CSNK2B: variants seen among roughly 807,000 people sequenced by gnomAD.
CSNK2B encodes casein kinase 2 beta, also known as casein kinase II subunit beta.
CSNK2B carries 2 observed loss-of-function variants against 28.8 expected under a neutral mutation model. The observed-to-expected ratio is 0.07, with a 90% CI of 0.03 to 0.22. The LOEUF (loss-of-function observed/expected upper bound fraction) is 0.22, where lower values mean the gene tolerates loss of function less well. Ranked by LOEUF, CSNK2B falls within the 10% of genes least tolerant of loss-of-function variation. The pLI is 1.00. For synonymous variants in CSNK2B, 89 were observed against 96.1 expected, an observed-to-expected ratio of 0.93 and a Z score of 0.43; for missense variants, 107 against 277.9, an observed-to-expected ratio of 0.39 and a Z score of 4.37.
chr6:31,666,232 C>G (rs1414486279), intron 1 of CSNK2B, 24 bp downstream of exon 1: 1 of 981,776 alleles, frequency 1.0e-6, no homozygotes, highest in Non-Finnish European at 1.2e-6. Context: ...CGTCGCTGCT[C>G]CGAGTCCCTT....
chr6:31,668,771 C>T, intron 4 of CSNK2B, 117 bp downstream of exon 4: 1 of 922,612 alleles, frequency 1.1e-6, no homozygotes. Context: ...AGGGGAAGAA[C>T]CCCAGAACTT....
rs774928995 is a variant in CSNK2B, at chr6:31,666,870, C to T, written c.39C>T (p.Phe13=). The T allele has an allele frequency of 1.9e-6, 3 of 1,614,186 alleles. No homozygotes were observed. The highest frequency in any genetic ancestry group is 8.5e-7 in the Non-Finnish European group (1 of 1,180,018). ...AGGAGGTGTCCTGGATTTCCTGGTTCTGTGGGCTCCGTGGCAATGAATTCT... is the reference window on the plus strand; with the variant it reads ...AGGAGGTGTCCTGGATTTCCTGGTTTTGTGGGCTCCGTGGCAATGAATTCT... ...SSEEVSWISW[F]CGLRGNEFFC... is the part of the protein sequence containing the mutation. The change falls in exon 2 of 7, where the codon TTC becomes TTT. Residue 13 remains phenylalanine, a synonymous_variant. Coordinates refer to ENST00000375882, the MANE Select transcript of CSNK2B (RefSeq NM_001320.7).
intron 2 of CSNK2B, 51 bp downstream of exon 2, chr6:31,666,954 A>G (rs1240010259): frequency 7.1e-7 from 1 of 1,417,286 alleles, no homozygotes; most frequent in Admixed American, 1.7e-5. Context: ...TCTTCCCACC[A>G]GACGTTCCTT....
chr6:31,666,911 C>T lies in CSNK2B; in HGVS notation c.72+8C>T, dbSNP rs773757689. 1.4e-5 allele frequency: 23 copies of T among 1,610,088 alleles called. No individual in the cohort carries two copies. In the East Asian group the frequency reaches 5.1e-4, roughly 36 times the overall value. On this transcript the variant is annotated splice_region_variant and intron_variant, in intron 2 of 6. Coordinates refer to ENST00000375882, the MANE Select transcript of CSNK2B (RefSeq NM_001320.7). ...AATGAATTCTTCTGTGAAGTGAGTT[C>T]TCTTCAACCTCCCTACTTGCCAGCT...
intron 2 of CSNK2B, 90 bp downstream of exon 2, chr6:31,666,993 T>TAG (rs1437981235): frequency 2.8e-6 from 3 of 1,079,656 alleles, no homozygotes; most frequent in Non-Finnish European, 4.3e-6. Flanking sequence ...ACTGTTCTCT[T>TAG]ACATGCTATT....
At position 31,667,400 on chromosome 6, in the gene CSNK2B, G is replaced by A. The variant is rs1435656388; in HGVS notation, c.73-468G>A. 8.4e-6 allele frequency: 3 copies of A among 356,230 alleles called. No homozygotes were observed. The East Asian group carries it at 2.2e-4, about 26-fold the overall frequency. 22.1% of individuals were successfully genotyped at this position (356,230 alleles called of 1,614,324 possible). ...GCCTGCCTCGGCCTCCCAAAGTGCT[G>A]GGATTACAGGCGTGAGCCATTGCGC... On this transcript the variant is annotated intron_variant, in intron 2 of 6. Transcript: ENST00000375882.
At position 31,666,100 on chromosome 6, in the gene CSNK2B, C is replaced by T; in HGVS notation, c.-120C>T. 1 of 993,974 alleles carries T rather than the reference C, an allele frequency of 1.0e-6. No homozygotes were observed. Among genetic ancestry groups the T allele is most frequent in the Non-Finnish European group, 1.2e-6 (1 of 833,648 alleles). 61.6% of individuals were successfully genotyped at this position (993,974 alleles called of 1,614,324 possible). A position where few individuals can be genotyped will look rare whatever the true frequency, so the allele number is the denominator to read the frequency against. ...TCCCTAATTTCCACTCCCCCCACCC[C>T]ACTTCGCCTGCCGCGGTCGGGTCCG... On this transcript the variant is annotated 5_prime_UTR_variant, in exon 1 of 7. Transcript: ENST00000375882.
At position 31,669,781 on chromosome 6, in the gene CSNK2B, G is replaced by A. The variant is rs1802051411; in HGVS notation, c.558-55G>A. On this transcript the variant is annotated intron_variant, in intron 6 of 6. Transcript: ENST00000375882. This position sits in a 1 kb window ranked among gnomAD's most constrained non-coding sequence, Gnocchi z 4.8. ...GGGGAGGTGGGAATGCAGGTGACTGGCAGGGCCTGGATGGGGCTCATGCTG... is the reference window on the plus strand; with the variant it reads ...GGGGAGGTGGGAATGCAGGTGACTGACAGGGCCTGGATGGGGCTCATGCTG... The A allele has an allele frequency of 8.2e-6, 12 of 1,467,358 alleles. No homozygotes were observed. The highest frequency in any genetic ancestry group is 1.1e-5 in the Non-Finnish European group (12 of 1,069,238). The allele number at this position is 1,467,358 out of a possible 1,614,324, so 90.9% of individuals were successfully genotyped here.
At chr6:31,666,241 T>C in intron 1 of CSNK2B, 33 bp downstream of exon 1, 1 of 966,082 alleles carries the variant, frequency 1.0e-6, no homozygotes, top group Non-Finnish European at 1.2e-6. Flanking sequence ...TCCGAGTCCC[T>C]TGTCGCTGGG....
In CSNK2B at chr6:31,669,608, C is replaced by A; in HGVS notation, c.557+100C>A. 7.5e-7 allele frequency: 1 copy of A among 1,327,818 alleles called. No homozygotes were observed. The highest frequency in any genetic ancestry group is 1.4e-5 in the South Asian group (1 of 73,790). 82.3% of individuals were successfully genotyped at this position (1,327,818 alleles called of 1,614,324 possible). On this transcript the variant is annotated intron_variant, in intron 6 of 6. Transcript: ENST00000375882. This position sits in a 1 kb window ranked among gnomAD's most constrained non-coding sequence, Gnocchi z 4.8. ...GCCCTTTCTTGAGGTCTGCTTCTCC[C>A]AGAATCAGGGCATCTCCCTGCTGAG...
chr6:31,668,903 T>C, intron 4 of CSNK2B, 194 bp from the exon 5 acceptor site: 1 of 612,606 alleles, frequency 1.6e-6, no homozygotes, highest in South Asian at 2.0e-5. Flanking sequence ...AAACAACAAA[T>C]GGCTCTGATG....
rs190709004 is a variant in CSNK2B at position 31,668,844 on chromosome 6, C to G, written c.291+190C>G. 3.2e-4 allele frequency: 198 copies of G among 623,438 alleles called. No homozygotes were observed. In the African/African-American group the frequency reaches 3.2e-3, roughly 10 times the overall value. 38.6% of individuals were successfully genotyped at this position (623,438 alleles called of 1,614,324 possible). On this transcript the variant is annotated intron_variant, in intron 4 of 6. Coordinates refer to ENST00000375882, the MANE Select transcript of CSNK2B (RefSeq NM_001320.7). ...AAGGGATTGTTTTCAGGGAGGGAGA[C>G]AGACCTTGAATCAGAGAGTTGTGAT...
Position 31,669,815 on chromosome 6 carries a change from C to A in CSNK2B, c.558-21C>A. ...GGATGGGGCTCATGCTGCTGCCTCT[C>A]TGACCTCTGCCCTGGCCTAGGCTCT... is the stretch of plus-strand genomic sequence containing the variant. On this transcript the variant is annotated intron_variant, in intron 6 of 6. Transcript: ENST00000375882. This position sits in a 1 kb window ranked among gnomAD's most constrained non-coding sequence, Gnocchi z 4.8. 6.2e-7 allele frequency: 1 copy of A among 1,602,836 alleles called. No homozygotes were observed. The highest frequency in any genetic ancestry group is 8.5e-7 in the Non-Finnish European group (1 of 1,174,782).
intron 3 of CSNK2B, 99 bp from the exon 4 acceptor site, chr6:31,668,440 G>C (rs1018440847): frequency 1.5e-5 from 15 of 1,029,102 alleles, no homozygotes; most frequent in Non-Finnish European, 2.1e-5. Flanking sequence ...CCAAAAGTAG[G>C]TGCTAGGCAA....
chr6:31,668,107 C>T (rs1223780335), intron 3 of CSNK2B, 137 bp downstream of exon 3: 6 of 715,120 alleles, frequency 8.4e-6, no homozygotes, highest in South Asian at 1.5e-5. Flanking sequence ...TTATTTTGAT[C>T]CTCCACCTGA....
At chr6:31,666,515 C>A in intron 1 of CSNK2B, 1 of 449,442 alleles carries the variant, frequency 2.2e-6, no homozygotes, top group African/African-American at 2.0e-5. Context: ...AGGTCCCTGC[C>A]GGAGTTGACA....
chr6:31,667,740 G>T lies in CSNK2B; in HGVS notation c.73-128G>T, dbSNP rs747496528. 5.8e-4 allele frequency: 296 copies of T among 510,062 alleles called. 1 individual carries two copies. Among genetic ancestry groups the T allele is most frequent in the Middle Eastern group, 3.6e-3 (8 of 2,192 alleles). The allele number at this position is 510,062 out of a possible 1,614,324, so 31.6% of individuals were successfully genotyped here. On this transcript the variant is annotated intron_variant, in intron 2 of 6. Transcript: ENST00000375882. ...GGAGAGACACAAGTACTTCTGCTGAGTTGGGAGTGAGAAACAAGCACAACA... is the reference window on the plus strand; with the variant it reads ...GGAGAGACACAAGTACTTCTGCTGATTTGGGAGTGAGAAACAAGCACAACA...
chr6:31,667,030 C>T (rs1170384297), intron 2 of CSNK2B, 127 bp downstream of exon 2: 1 of 860,202 alleles, frequency 1.2e-6, no homozygotes, highest in Non-Finnish European at 1.9e-6. Flanking sequence ...GCAAAGAGTC[C>T]CCCCTATAAA....
chr6:31,667,087 G>C (rs973082901), intron 2 of CSNK2B, 184 bp downstream of exon 2: 2 of 703,890 alleles, frequency 2.8e-6, no homozygotes, highest in Non-Finnish European at 5.2e-6. Flanking sequence ...CCCAAGTCCT[G>C]AGTCTGCCAC....
Sources: allele counts gnomAD v4.1 joint callset, GRCh38; gene constraint gnomAD v4.1.1; non-coding constraint Gnocchi (gnomAD v3.1); transcripts MANE v1.5; gene names NCBI Gene and HGNC (gene_info 2026-07-23, HGNC 2026-07-21).